Variants in UPP2 observed in about 807,000 individuals in gnomAD.
The protein encoded by UPP2 is uridine phosphorylase 2.
Under a neutral mutation model 26.7 loss-of-function variants are expected in UPP2, and 23 were observed. The ratio of observed to expected loss-of-function variants is 0.86; its 90% CI spans 0.62 to 1.22. UPP2 has a LOEUF of 1.22. Among genes scored for constraint, UPP2 ranks in the 50% most tolerant of loss-of-function variants. The probability of loss-of-function intolerance (pLI) is 0.00; values close to 1 mark genes in which losing one functional copy is unlikely to be tolerated. For missense variants in UPP2, 387 were observed against 396.7 expected, an observed-to-expected ratio of 0.98 and a Z score of 0.21; for synonymous variants, 127 against 141.3, an observed-to-expected ratio of 0.90 and a Z score of 0.72.
chr2:158,017,504 G>GT (rs2105145743), intron 3 of UPP2, among the ~76,000 whole-genome samples: 1 of 152,246 alleles, frequency 6.6e-6, no homozygotes, highest in South Asian at 2.1e-4. Context: ...AAGTAACTAA[G>GT]TTTTACCTCA....
chr2:158,053,569 G>A lies in UPP2; in HGVS notation c.147+37683G>A, dbSNP rs144305609. ...ATTCAGGACCATTCTATAACCATTC[G>A]TAGAACAAGCAAATGGATGGATGGA... is the stretch of plus-strand genomic sequence containing the variant. On this transcript the variant is annotated intron_variant, in intron 3 of 9. Transcript: ENST00000605860. Among the ~76,000 whole-genome samples, 19 of 152,278 alleles carry A rather than the reference G, an allele frequency of 1.2e-4. No homozygotes were observed. In the East Asian group the frequency reaches 1.9e-3, roughly 15 times the overall value.
intron 2 of UPP2, among the ~76,000 whole-genome samples, chr2:158,109,329 T>G (rs1683263174): frequency 1.3e-5 from 2 of 152,104 alleles, no homozygotes; most frequent in Admixed American, 1.3e-4. Context: ...ATTTAAAAAT[T>G]TTTGCTACTT....
intron 4 of UPP2, among the ~76,000 whole-genome samples, chr2:158,118,773 T>C (rs1278669206): frequency 1.3e-5 from 2 of 151,904 alleles, no homozygotes; most frequent in African/African-American, 4.8e-5. Context: ...ATTAGACATT[T>C]ATGGAGCAAA....
At chr2:158,054,095 A>AC (rs1682205993) in intron 3 of UPP2, among the ~76,000 whole-genome samples, 1 of 151,730 alleles carries the variant, frequency 6.6e-6, no homozygotes, top group African/African-American at 2.4e-5. Context: ...ACATGATGAA[A>AC]CCCCGTCTCT....
intron 4 of UPP2, among the ~76,000 whole-genome samples, chr2:158,120,290 C>T (rs1203447373): frequency 1.3e-5 from 2 of 152,004 alleles, no homozygotes; most frequent in Non-Finnish European, 2.9e-5. Flanking sequence ...GCCTCTAGAG[C>T]TTGAAAGCAG....
chr2:158,130,894 G>GCCA (rs143173277), intron 6 of UPP2, among the ~76,000 whole-genome samples: 6,870 of 152,236 alleles, frequency 0.045, 218 homozygotes, highest in Non-Finnish European at 0.074. Context: ...GATGCAAGAG[G>GCCA]CCAGTGGAGC....
intron 2 of UPP2, among the ~76,000 whole-genome samples, chr2:158,111,218 C>A (rs1683313036): frequency 1.3e-5 from 2 of 152,106 alleles, no homozygotes; most frequent in Admixed American, 6.6e-5. Flanking sequence ...TCAAACTATG[C>A]TTGTGAGTTT....
At chr2:158,073,434 A>G (rs1682576205) in intron 3 of UPP2, among the ~76,000 whole-genome samples, 1 of 152,200 alleles carries the variant, frequency 6.6e-6, no homozygotes, top group Non-Finnish European at 1.5e-5. Flanking sequence ...CAAAGGGATA[A>G]TATCAAAGAA....
At chr2:158,054,979 C>A (rs1682223869) in intron 3 of UPP2, among the ~76,000 whole-genome samples, 1 of 152,146 alleles carries the variant, frequency 6.6e-6, no homozygotes. Flanking sequence ...CTCCCTAGCC[C>A]CTGACAACCA....
At chr2:157,995,990 T>C (rs1574236617) in intron 2 of UPP2, among the ~76,000 whole-genome samples, 1 of 152,228 alleles carries the variant, frequency 6.6e-6, no homozygotes, top group Non-Finnish European at 1.5e-5. Context: ...GTCTTCAAGA[T>C]TGGTTTTACC....
At chr2:158,086,634 G>A (rs906541862) in intron 3 of UPP2, among the ~76,000 whole-genome samples, 6 of 151,972 alleles carry the variant, frequency 3.9e-5, no homozygotes, top group Non-Finnish European at 7.4e-5. Context: ...TTAAGGCTAT[G>A]AACTTTCTTC....
chr2:158,032,733 G>A (rs1449274102), intron 3 of UPP2, among the ~76,000 whole-genome samples: 1 of 152,146 alleles, frequency 6.6e-6, no homozygotes, highest in African/African-American at 2.4e-5. Flanking sequence ...CATAAAATTA[G>A]AGAGCACTAC....
At chr2:157,995,365 C>A in intron 2 of UPP2, 2 of 1,227,686 alleles carry the variant, frequency 1.6e-6, no homozygotes, top group Non-Finnish European at 1.2e-6. Flanking sequence ...TGATGTTTTC[C>A]ACATTTCAGC....
intron 2 of UPP2, among the ~76,000 whole-genome samples, chr2:158,005,879 C>T (rs1683479880): frequency 1.3e-5 from 2 of 152,098 alleles, no homozygotes; most frequent in African/African-American, 4.8e-5. Context: ...TTCTAGGCAT[C>T]CGCAAGCCTC....
chr2:158,124,348 C>CAGGA (rs1683645368), intron 6 of UPP2, among the ~76,000 whole-genome samples: 1 of 152,086 alleles, frequency 6.6e-6, no homozygotes. Context: ...AGGCCACAGA[C>CAGGA]AGGAGCATTC....
intron 2 of UPP2, chr2:157,995,303 G>C: frequency 1.3e-6 from 2 of 1,596,222 alleles, no homozygotes; most frequent in Non-Finnish European, 1.7e-6. Context: ...CTAAGCACAT[G>C]TGTCTGGTCA....
intron 3 of UPP2, among the ~76,000 whole-genome samples, chr2:158,093,271 T>TAC (rs57028617): frequency 0.21 from 28,884 of 137,310 alleles, 2,992 homozygotes; most frequent in African/African-American, 0.3. Context: ...AAAAGAAACA[T>TAC]ACACACACAC....
At chr2:158,067,093 AAAG>A (rs1291886796) in intron 3 of UPP2, among the ~76,000 whole-genome samples, 1 of 152,150 alleles carries the variant, frequency 6.6e-6, no homozygotes, top group Non-Finnish European at 1.5e-5. Flanking sequence ...CTTGCAAAAA[AAAG>A]AAGCAGGTTT....
intron 2 of UPP2, among the ~76,000 whole-genome samples, chr2:158,004,762 CTTA>C (rs1171650877): frequency 6.6e-6 from 1 of 152,066 alleles, no homozygotes; most frequent in Non-Finnish European, 1.5e-5. Flanking sequence ...AAGTTTGTGC[CTTA>C]TTATTCATTT....
Sources: gnomAD v4.1 joint callset for allele counts (sites outside exome capture counted in the v4.1 genomes callset) on GRCh38, gnomAD v4.1.1 for gene constraint, MANE v1.5 for transcripts, NCBI Gene and HGNC (gene_info 2026-07-23, HGNC 2026-07-21) for gene names.